The following ST7 variants were observed in gnomAD, a reference collection of about 807,000 sequenced individuals.
ST7 encodes the protein suppression of tumorigenicity 7.
Under a neutral mutation model 78.7 loss-of-function variants are expected in ST7, and 28 were observed. The observed-to-expected ratio is 0.36, with a 90% CI of 0.26 to 0.49. The LOEUF is 0.49. Ranked by LOEUF, ST7 falls within the 20% of genes least tolerant of loss-of-function variation. The probability of loss-of-function intolerance (pLI) is 0.99; values close to 1 mark genes in which losing one functional copy is unlikely to be tolerated. For synonymous variants in ST7, 247 were observed against 249.6 expected (o/e 0.99, Z 0.10); for missense variants, 418 against 696.0 (o/e 0.60, Z 4.49).
chr7:117,122,132 G>C (rs893908035), intron 3 of ST7, among the ~76,000 whole-genome samples: 1 of 152,140 alleles, frequency 6.6e-6, no homozygotes, highest in Admixed American at 6.6e-5. Context: ...GGATGAATAA[G>C]GGAAAAGGGA....
At chr7:117,165,105 A>C (rs902868825) in intron 9 of ST7, among the ~76,000 whole-genome samples, 69 of 152,214 alleles carry the variant, frequency 4.5e-4, no homozygotes, top group African/African-American at 1.6e-3. Flanking sequence ...AATGGCGTGT[A>C]ATAGTCTGGT....
intron 1 of ST7, among the ~76,000 whole-genome samples, chr7:117,034,178 A>G (rs1041659227): frequency 1.3e-5 from 2 of 152,038 alleles, no homozygotes; most frequent in African/African-American, 2.4e-5. Context: ...GGCTCAAGCA[A>G]TCCTCCTGCC....
chr7:116,962,244 CAT>C (rs1317711352), intron 1 of ST7, among the ~76,000 whole-genome samples: 1 of 152,166 alleles, frequency 6.6e-6, no homozygotes, highest in African/African-American at 2.4e-5. Context: ...CTGCAATAAA[CAT>C]ATGTGTACAT....
intron 2 of ST7, among the ~76,000 whole-genome samples, chr7:117,113,475 T>C (rs888280524): frequency 2.0e-5 from 3 of 152,120 alleles, no homozygotes; most frequent in Admixed American, 6.5e-5. Flanking sequence ...GCAACCTTCT[T>C]TGGAGGAAAC....
At chr7:117,198,837 A>G (rs374288215) in intron 12 of ST7, among the ~76,000 whole-genome samples, 1 of 152,098 alleles carries the variant, frequency 6.6e-6, no homozygotes, top group Non-Finnish European at 1.5e-5. Context: ...TGTCCCCACT[A>G]TTATGGAGGC....
intron 1 of ST7, among the ~76,000 whole-genome samples, chr7:117,083,053 T>G (rs1368002104): frequency 6.6e-6 from 1 of 152,150 alleles, no homozygotes; most frequent in Admixed American, 6.5e-5. Context: ...TATTTTATTT[T>G]ATATTTTTAT....
At chr7:117,093,823 ACT>A (rs1800825153) in intron 1 of ST7, among the ~76,000 whole-genome samples, 3 of 152,238 alleles carry the variant, frequency 2.0e-5, no homozygotes, top group Non-Finnish European at 4.4e-5. Context: ...TCTTGTGACA[ACT>A]ATGCAAGATA....
intron 3 of ST7, among the ~76,000 whole-genome samples, chr7:117,122,231 A>C (rs1037340102): frequency 3.9e-5 from 6 of 152,206 alleles, no homozygotes; most frequent in African/African-American, 1.4e-4. Context: ...CATATGGGAA[A>C]GGGACTGGAT....
intron 2 of ST7, among the ~76,000 whole-genome samples, chr7:117,113,345 G>T (rs532827834): frequency 6.6e-6 from 1 of 152,212 alleles, no homozygotes; most frequent in Non-Finnish European, 1.5e-5. Context: ...GCAGCAGGGT[G>T]TAGCGGTTGA....
At chr7:117,205,208 T>A (rs1252059349) in intron 12 of ST7, among the ~76,000 whole-genome samples, 1 of 137,068 alleles carries the variant, frequency 7.3e-6, no homozygotes, top group African/African-American at 3.7e-5. Context: ...TACCTATACC[T>A]TTTTTTGTCA....
intron 15 of ST7, chr7:117,222,765 T>C (rs1044966958): frequency 2.1e-6 from 2 of 933,310 alleles, no homozygotes; most frequent in Non-Finnish European, 3.5e-6. Flanking sequence ...GAAAACAGTA[T>C]CAATTGTTTC....
intron 10 of ST7, among the ~76,000 whole-genome samples, chr7:117,184,909 AT>A (rs1809109265): frequency 6.6e-6 from 1 of 152,334 alleles, no homozygotes; most frequent in African/African-American, 2.4e-5. Context: ...ACTGTGTGCT[AT>A]TTTTATAAAT....
chr7:117,000,965 A>T (rs905380587), intron 1 of ST7, among the ~76,000 whole-genome samples: 1 of 152,202 alleles, frequency 6.6e-6, no homozygotes, highest in African/African-American at 2.4e-5. Context: ...AAGCTTCTGG[A>T]TGTTTTTCTG....
intron 2 of ST7, chr7:117,118,036 A>G (rs532413292): frequency 3.9e-5 from 6 of 152,454 alleles, no homozygotes; most frequent in African/African-American, 9.6e-5. Context: ...ACTTGATAGT[A>G]TATTCCCCCG....
chr7:117,067,911 T>C (rs573534039), intron 1 of ST7, among the ~76,000 whole-genome samples: 2 of 152,358 alleles, frequency 1.3e-5, no homozygotes, highest in Non-Finnish European at 2.9e-5. Flanking sequence ...TTTGTTGACA[T>C]GGTGTTGGCT....
intron 12 of ST7, 92 bp downstream of exon 12, chr7:117,191,028 A>C: frequency 9.7e-7 from 1 of 1,035,966 alleles, no homozygotes; most frequent in Middle Eastern, 2.1e-4. Context: ...ACCGCTTATA[A>C]AAAAATGAAT....
intron 1 of ST7, among the ~76,000 whole-genome samples, chr7:117,034,985 AC>A (rs1796802902): frequency 1.3e-5 from 2 of 152,198 alleles, no homozygotes; most frequent in Non-Finnish European, 2.9e-5. Context: ...CAGCATTGCT[AC>A]CCTCCAAGAC....
intron 1 of ST7, among the ~76,000 whole-genome samples, chr7:117,060,844 A>G (rs937281876): frequency 6.6e-6 from 1 of 152,084 alleles, no homozygotes; most frequent in Non-Finnish European, 1.5e-5. Context: ...GGTCTCTACT[A>G]AAAATACAAA....
At chr7:116,979,099 G>C (rs1585081034) in intron 1 of ST7, among the ~76,000 whole-genome samples, 1 of 152,166 alleles carries the variant, frequency 6.6e-6, no homozygotes, top group South Asian at 2.1e-4. Flanking sequence ...CTTCAGTGGA[G>C]AGACATAGCC....
Sources: allele counts gnomAD v4.1 joint callset (sites outside exome capture counted in the v4.1 genomes callset), GRCh38; gene constraint gnomAD v4.1.1; transcripts MANE v1.5; gene names NCBI Gene and HGNC (gene_info 2026-07-23, HGNC 2026-07-21).